The following ZNF727 variants were observed in gnomAD, a reference collection of about 807,000 sequenced individuals.
ZNF727 encodes zinc finger protein 727.
In ZNF727, 11 loss-of-function variants were observed where a neutral mutation model predicts 11.5. That is an observed-to-expected ratio of 0.95 (90% CI 0.60 to 1.58). The LOEUF (loss-of-function observed/expected upper bound fraction) is 1.58, where lower values mean the gene tolerates loss of function less well. ZNF727 is among the 40% of genes most tolerant of loss of function. ZNF727 has a pLI of 0.00. For missense variants in ZNF727, 533 were observed against 581.7 expected (o/e 0.92, Z 0.86); for synonymous variants, 171 against 196.1 (o/e 0.87, Z 1.07).
chr7:64,054,102 G>T (rs1231329382), intron 1 of ZNF727, among the ~76,000 whole-genome samples: 1 of 152,184 alleles, frequency 6.6e-6, no homozygotes, highest in Non-Finnish European at 1.5e-5. Context: ...ATATGCAGAG[G>T]CTCTCTCAGT....
At chr7:64,053,748 T>A (rs1015275800) in intron 1 of ZNF727, among the ~76,000 whole-genome samples, 3 of 152,140 alleles carry the variant, frequency 2.0e-5, no homozygotes, top group Admixed American at 6.5e-5. Context: ...TCCCCAGCCA[T>A]GTGGAACTGT....
intron 1 of ZNF727, among the ~76,000 whole-genome samples, chr7:64,047,755 TC>T (rs1228833337): frequency 4.8e-5 from 1 of 21,000 alleles, no homozygotes; most frequent in Admixed American, 5.2e-4. Context: ...AAGATTTTTT[TC>T]CCTCTCAACC....
In ZNF727 at chr7:64,081,317, C is replaced by T. The variant is rs769033291; in HGVS notation, c.*2768C>T. Reference sequence around the variant, plus strand: ...GAGTGTGGGAGGATACCCTGTTCTCCGCACAGTTTTACCACAAAGGCCAGG... The same window carrying T: ...GAGTGTGGGAGGATACCCTGTTCTCTGCACAGTTTTACCACAAAGGCCAGG... On this transcript the variant is annotated 3_prime_UTR_variant, in exon 4 of 4. Coordinates refer to ENST00000456806, the MANE Select transcript of ZNF727 (RefSeq NM_001159522.3). 1.6e-4 allele frequency among the ~76,000 whole-genome samples: 24 copies of T among 152,132 alleles called. No individual in the cohort carries two copies. The highest frequency in any genetic ancestry group is 3.9e-4 in the East Asian group (2 of 5,172).
rs190982810 is a variant in ZNF727, at chr7:64,051,847, T to G, written c.3+6223T>G. Among the ~76,000 whole-genome samples, 13 of 152,356 alleles carry G rather than the reference T, an allele frequency of 8.5e-5. No individual in the cohort carries two copies. The East Asian group carries it at 2.5e-3, about 29-fold the overall frequency. The stretch of plus-strand genomic sequence containing the variant: ...ACAGAAAGAAGGCCTTTCATTAAAT[T>G]TCATTCTAAAACCTGCCTTTTCCAA... On this transcript the variant is annotated intron_variant, in intron 1 of 3. Coordinates refer to ENST00000456806, the MANE Select transcript of ZNF727 (RefSeq NM_001159522.3).
intron 3 of ZNF727, among the ~76,000 whole-genome samples, chr7:64,074,125 T>C (rs1189384359): frequency 6.6e-6 from 1 of 152,136 alleles, no homozygotes; most frequent in Non-Finnish European, 1.5e-5. Flanking sequence ...AAAATATTAC[T>C]GGAGTGTGAA....
intron 1 of ZNF727, among the ~76,000 whole-genome samples, chr7:64,055,958 C>T (rs1045654150): frequency 7.2e-5 from 11 of 152,188 alleles, no homozygotes; most frequent in African/African-American, 2.4e-4. Context: ...GAAATGTCCA[C>T]ATTGTTTTTA....
chr7:64,046,876 G>A (rs1169424418), intron 1 of ZNF727, among the ~76,000 whole-genome samples: 1 of 152,146 alleles, frequency 6.6e-6, no homozygotes, highest in Non-Finnish European at 1.5e-5. Context: ...TATTTGATTG[G>A]TTACAGTTAT....
intron 1 of ZNF727, among the ~76,000 whole-genome samples, chr7:64,063,641 C>T (rs898917165): frequency 2.0e-5 from 3 of 151,732 alleles, no homozygotes; most frequent in African/African-American, 7.3e-5. Flanking sequence ...CTGATGTTCA[C>T]TCAAGAACCA....
Position 64,045,554 on chromosome 7 carries a change from G to C in ZNF727, c.-68G>C. Reference sequence around the variant, plus strand: ...CCTCGGTGACTCCACCATAGCCCCTGTTATCCTGTGACCTGCAGGTACTGG... The same window carrying C: ...CCTCGGTGACTCCACCATAGCCCCTCTTATCCTGTGACCTGCAGGTACTGG... On this transcript the variant is annotated 5_prime_UTR_variant, in exon 1 of 4. Transcript: ENST00000456806. 1.3e-6 allele frequency: 2 copies of C among 1,549,826 alleles called. No individual in the cohort carries two copies. Among genetic ancestry groups the C allele is most frequent in the Middle Eastern group, 1.7e-4 (1 of 5,978 alleles).
chr7:64,058,719 A>G (rs1335842592), intron 1 of ZNF727, among the ~76,000 whole-genome samples: 1 of 152,192 alleles, frequency 6.6e-6, no homozygotes, highest in African/African-American at 2.4e-5. Context: ...GATATTCTAA[A>G]TTATTCCAGG....
rs150443577 is a variant in ZNF727, at chr7:64,053,720, C to T, written c.3+8096C>T. Among the ~76,000 whole-genome samples the T allele has an allele frequency of 3.4e-3, 521 of 152,168 alleles. 1 individual carries two copies. Among genetic ancestry groups the T allele is most frequent in the African/African-American group, 0.012 (492 of 41,502 alleles). ...ATGTCACTCATTCCTCCTTGCATTCCGCCATAATTGTCAGGCCTCCCCAGC... is the reference window on the plus strand; with the variant it reads ...ATGTCACTCATTCCTCCTTGCATTCTGCCATAATTGTCAGGCCTCCCCAGC... On this transcript the variant is annotated intron_variant, in intron 1 of 3. Coordinates refer to ENST00000456806, the MANE Select transcript of ZNF727 (RefSeq NM_001159522.3).
chr7:64,066,886 A>G (rs12386630), intron 1 of ZNF727, among the ~76,000 whole-genome samples: 3,502 of 152,198 alleles, frequency 0.023, 148 homozygotes, highest in African/African-American at 0.079. Context: ...TGGGAGAAAA[A>G]TTTTGCAATC....
At chr7:64,050,503 C>T (rs1279150787) in intron 1 of ZNF727, among the ~76,000 whole-genome samples, 1 of 152,126 alleles carries the variant, frequency 6.6e-6, no homozygotes, top group African/African-American at 2.4e-5. Context: ...AGGTGTCCTC[C>T]TTAGTGACAA....
rs544523349 is a variant in ZNF727 at position 64,045,588 on chromosome 7, T to C, written c.-34T>C. The C allele has an allele frequency of 2.0e-5, 31 of 1,553,772 alleles. No homozygotes were observed. The highest frequency in any genetic ancestry group is 1.2e-4 in the African/African-American group (9 of 73,230). ...TGACCTGCAGGTACTGGGAGATCCA[T>C]AGGGAAGAAGGCGGAACATCCGGAG... On this transcript the variant is annotated 5_prime_UTR_variant, in exon 1 of 4. Transcript: ENST00000456806.
At chr7:64,071,699 C>A (rs538378827) in intron 3 of ZNF727, among the ~76,000 whole-genome samples, 1 of 152,088 alleles carries the variant, frequency 6.6e-6, no homozygotes, top group East Asian at 1.9e-4. Context: ...ACTATGTTTT[C>A]TTTTAAGATT....
chr7:64,055,295 G>A (rs533120101), intron 1 of ZNF727, among the ~76,000 whole-genome samples: 1 of 151,946 alleles, frequency 6.6e-6, no homozygotes, highest in South Asian at 2.1e-4. Context: ...GTGTGTACCT[G>A]TAGTCTCAGC....
chr7:64,058,401 A>T (rs1002843628), intron 1 of ZNF727, among the ~76,000 whole-genome samples: 3 of 152,154 alleles, frequency 2.0e-5, no homozygotes, highest in African/African-American at 7.2e-5. Flanking sequence ...CCCTCTTAGG[A>T]CTAATCTCCA....
chr7:64,047,124 G>GT (rs1468362720), intron 1 of ZNF727, among the ~76,000 whole-genome samples: 1 of 152,076 alleles, frequency 6.6e-6, no homozygotes, highest in African/African-American at 2.4e-5. Flanking sequence ...AGGGTCCTTG[G>GT]TTTTGTCTGC....
At chr7:64,055,231 A>G (rs1435096138) in intron 1 of ZNF727, among the ~76,000 whole-genome samples, 2 of 152,076 alleles carry the variant, frequency 1.3e-5, no homozygotes, top group East Asian at 3.9e-4. Context: ...ACCCTGGCCA[A>G]TATGGTGAAA....
Sources: gnomAD v4.1 joint callset for allele counts (sites outside exome capture counted in the v4.1 genomes callset) on GRCh38, gnomAD v4.1.1 for gene constraint, MANE v1.5 for transcripts, NCBI Gene and HGNC (gene_info 2026-07-23, HGNC 2026-07-21) for gene names.